ARHGEF2: variants seen among roughly 807,000 people sequenced by gnomAD.
The protein encoded by ARHGEF2 is rho guanine nucleotide exchange factor 2.
Under a neutral mutation model 121.0 loss-of-function variants are expected in ARHGEF2, and 22 were observed. The ratio of observed to expected loss-of-function variants is 0.18; its 90% CI spans 0.13 to 0.26. The LOEUF (loss-of-function observed/expected upper bound fraction) is 0.26. ARHGEF2 is among the 10% of genes least tolerant of loss of function. The pLI is 1.00. For synonymous variants in ARHGEF2, 487 were observed against 530.0 expected (o/e 0.92, Z 1.11); for missense variants, 907 against 1,336.0 (o/e 0.68, Z 5.01).
chr1:155,950,575 C>G lies in ARHGEF2; in HGVS notation c.2704-93G>C, dbSNP rs1434124915. 3.0e-6 allele frequency: 4 copies of G among 1,350,904 alleles called. 1 individual carries two copies. Among genetic ancestry groups the G allele is most frequent in the Admixed American group, 3.6e-5 (2 of 56,090 alleles). 83.7% of individuals were successfully genotyped at this position (1,350,904 alleles called of 1,614,324 possible). On this transcript the variant is annotated intron_variant, in intron 20 of 21. Transcript: ENST00000361247. This position sits in a 1 kb window ranked among gnomAD's most constrained non-coding sequence, Gnocchi z 5.2. ...TGGCTGAAGGCAGCAGCTCTCCCCC[C>G]TGGGGCTCACCCATGAGTCCCCTTC... is the stretch of plus-strand genomic sequence containing the variant.
chr1:155,968,953 C>T (rs1354360629), intron 2 of ARHGEF2: 4 of 609,144 alleles, frequency 6.6e-6, no homozygotes, highest in Non-Finnish European at 1.1e-5. Flanking sequence ...CCAGATAGTC[C>T]GGCTTATGCC....
intron 1 of ARHGEF2, among the ~76,000 whole-genome samples, chr1:155,976,721 C>G (rs1031837327): frequency 3.0e-4 from 46 of 151,346 alleles, no homozygotes; most frequent in Non-Finnish European, 5.6e-4. Flanking sequence ...TCCCCCGCCC[C>G]CCTTGGCTCT....
chr1:155,967,988 C>A (rs1679757717), intron 2 of ARHGEF2, among the ~76,000 whole-genome samples: 1 of 151,728 alleles, frequency 6.6e-6, no homozygotes, highest in African/African-American at 2.4e-5. Context: ...CTTCTCCTAC[C>A]CCCAACACTC....
Position 155,950,373 on chromosome 1 carries a change from T to C in ARHGEF2, c.2813A>G (p.Gln938Arg). 3.7e-6 allele frequency: 6 copies of C among 1,614,050 alleles called. No individual in the cohort carries two copies. The highest frequency in any genetic ancestry group is 5.1e-6 in the Non-Finnish European group (6 of 1,180,036). Reference protein sequence around the residue: ...QELGSPEERLQDSSDPDTGSE... With the variant: ...QELGSPEERLRDSSDPDTGSE... ...GCCAGTGTCAGGGTCACTGCTGTCT[T>C]GCAGCCGCTCTTCGGGGCTCCCCAG... The change falls in exon 21 of 22, where the codon CAA (glutamine) becomes CGA (arginine). Residue 938 changes from glutamine to arginine, a missense_variant. Physicochemically the swap from Gln to Arg is conservative, Grantham distance 43. This residue lies in a region of ARHGEF2 where 432 missense variants were observed against 559.5 expected (regional missense o/e 0.77). Coordinates refer to ENST00000361247, the MANE Select transcript of ARHGEF2 (RefSeq NM_001162383.2). This position sits in a 1 kb window ranked among gnomAD's most constrained non-coding sequence, Gnocchi z 5.2.
intron 15 of ARHGEF2, 110 bp from the exon 16 acceptor site, chr1:155,952,345 A>T (rs760723801): frequency 2.0e-5 from 29 of 1,455,564 alleles, no homozygotes; most frequent in Non-Finnish European, 2.6e-5. Context: ...TGCCCCCTGC[A>T]CTGGCAGTGG....
chr1:155,957,650 G>C (rs1676961652), intron 13 of ARHGEF2, 63 bp downstream of exon 13: 1 of 1,514,958 alleles, frequency 6.6e-7, no homozygotes, highest in South Asian at 1.3e-5. Context: ...TTCTATGGTT[G>C]GGATCTAATG....
Position 155,965,296 on chromosome 1 carries a change from T to C in ARHGEF2, c.580+7A>G. 6.2e-7 allele frequency: 1 copy of C among 1,613,848 alleles called. No individual in the cohort carries two copies. The highest frequency in any genetic ancestry group is 8.5e-7 in the Non-Finnish European group (1 of 1,179,744). ...CTCAGGGCTCCCCTGGGCCCAGGCC[T>C]GCTCACCTTCGTCAATGAGGGATTC... On this transcript the variant is annotated splice_region_variant and intron_variant, in intron 6 of 21. Coordinates refer to ENST00000361247, the MANE Select transcript of ARHGEF2 (RefSeq NM_001162383.2). The surrounding 1 kb of genome is among the most constrained non-coding windows in gnomAD (Gnocchi z 6.0).
upstream of ARHGEF2, chr1:155,978,548 C>T: frequency 2.4e-6 from 3 of 1,269,468 alleles, no homozygotes; most frequent in African/African-American, 3.1e-5. The surrounding 1 kb of genome is among the most constrained non-coding windows in gnomAD (Gnocchi z 4.1). Context: ...AGTCTGACTC[C>T]CCTCGCCCGG....
At chr1:155,964,174 A>ATATATATATATGTG (rs1553244914) in intron 7 of ARHGEF2, among the ~76,000 whole-genome samples, 1 of 78,746 alleles carries the variant, frequency 1.3e-5, no homozygotes, top group Non-Finnish European at 2.2e-5. Context: ...AAAAATATAT[A>ATATATATATATGTG]TATATATATA....
Position 155,950,759 on chromosome 1 carries a change from C to T in ARHGEF2, c.2703+70G>A. 6 of 1,453,070 alleles carry T rather than the reference C, an allele frequency of 4.1e-6. No homozygotes were observed. The highest frequency in any genetic ancestry group is 5.6e-6 in the Non-Finnish European group (6 of 1,077,564). 90.0% of individuals were successfully genotyped at this position (1,453,070 alleles called of 1,614,324 possible). Reference sequence around the variant, plus strand: ...CATTTGGGCTCAAATCCCCAATGGCCCAATTTCTTTCGGGCTCCATGGACC... The same window carrying T: ...CATTTGGGCTCAAATCCCCAATGGCTCAATTTCTTTCGGGCTCCATGGACC... On this transcript the variant is annotated intron_variant, in intron 20 of 21. Transcript: ENST00000361247. The surrounding 1 kb of genome is among the most constrained non-coding windows in gnomAD (Gnocchi z 5.2).
chr1:155,979,091 C>T (rs1681870960), upstream of ARHGEF2: 4 of 985,522 alleles, frequency 4.1e-6, no homozygotes, highest in South Asian at 9.4e-5. Flanking sequence ...GAGAACTAAA[C>T]GCTGGATCTT....
In ARHGEF2 at chr1:155,966,842, T is replaced by G. The variant is rs1464280003; in HGVS notation, c.254A>C (p.Asn85Thr). 1 of 1,613,700 alleles carries G rather than the reference T, an allele frequency of 6.2e-7. No individual in the cohort carries two copies. Among genetic ancestry groups the G allele is most frequent in the Non-Finnish European group, 8.5e-7 (1 of 1,179,880 alleles). The change falls in exon 3 of 22, where the codon AAC (asparagine) becomes ACC (threonine). Residue 85 changes from asparagine (N) to threonine (T), a missense_variant. By Grantham distance (65) the Asn-to-Thr change is moderately conservative. Around this residue, in one of 2 missense-constraint regions of ARHGEF2, gnomAD observed 475 missense variants for 776.5 expected, o/e 0.61. Coordinates refer to ENST00000361247, the MANE Select transcript of ARHGEF2 (RefSeq NM_001162383.2). The stretch of plus-strand genomic sequence containing the variant: ...CACCTTCTGCTTGACCTTGGTACAG[T>G]TGGCGAGGGTGTCTTTACAGCGGTT... The part of the protein sequence containing the change: ...IHNRCKDTLA[N>T]CTKVKQKQQK...
At chr1:155,967,516 G>C (rs1572165273) in intron 2 of ARHGEF2, among the ~76,000 whole-genome samples, 1 of 152,082 alleles carries the variant, frequency 6.6e-6, no homozygotes, top group Non-Finnish European at 1.5e-5. Context: ...TCCTTCCCTC[G>C]CACCACATGC....
chr1:155,959,447 C>T (rs754250978), intron 11 of ARHGEF2, among the ~76,000 whole-genome samples: 4 of 152,094 alleles, frequency 2.6e-5, no homozygotes, highest in African/African-American at 7.2e-5. Context: ...GGGGTTTCAC[C>T]ACGTTGGCCA....
chr1:155,978,661 G>A (rs1207377022), upstream of ARHGEF2: 35 of 1,138,484 alleles, frequency 3.1e-5, no homozygotes, highest in Non-Finnish European at 3.8e-5. This position sits in a 1 kb window ranked among gnomAD's most constrained non-coding sequence, Gnocchi z 4.1. Context: ...CGCAGGACGG[G>A]ACGCCAGGGT....
chr1:155,971,320 G>C (rs902474142), intron 1 of ARHGEF2, among the ~76,000 whole-genome samples: 1 of 152,062 alleles, frequency 6.6e-6, no homozygotes, highest in African/African-American at 2.4e-5. Flanking sequence ...GCTCACACCT[G>C]CAATCCCAGC....
chr1:155,951,832 C>A lies in ARHGEF2; in HGVS notation c.2173-56G>T. The stretch of plus-strand genomic sequence containing the variant: ...CAGGCACACAAATCCTGGGTGCCTG[C>A]CCCTGACAGCTTTGTGTTGAGGATC... On this transcript the variant is annotated intron_variant, in intron 17 of 21. Coordinates refer to ENST00000361247, the MANE Select transcript of ARHGEF2 (RefSeq NM_001162383.2). This position sits in a 1 kb window ranked among gnomAD's most constrained non-coding sequence, Gnocchi z 5.1. 3.1e-6 allele frequency: 5 copies of A among 1,613,106 alleles called. No homozygotes were observed. The South Asian group carries it at 4.4e-5, about 14-fold the overall frequency.
intron 11 of ARHGEF2, among the ~76,000 whole-genome samples, chr1:155,959,143 G>A (rs1677351812): frequency 6.6e-6 from 1 of 152,182 alleles, no homozygotes; most frequent in Non-Finnish European, 1.5e-5. Flanking sequence ...CATAACTCGT[G>A]TATTTTTTTG....
At chr1:155,971,554 T>G (rs1308267580) in intron 1 of ARHGEF2, among the ~76,000 whole-genome samples, 1 of 137,754 alleles carries the variant, frequency 7.3e-6, no homozygotes, top group African/African-American at 2.6e-5. Flanking sequence ...CACTCCAGCC[T>G]GGGCCACAGA....
Sources: gnomAD v4.1 joint callset for allele counts (sites outside exome capture counted in the v4.1 genomes callset) on GRCh38, gnomAD v4.1.1 for gene constraint, gnomAD v4.1.1 regional missense constraint, Gnocchi (gnomAD v3.1) non-coding constraint, MANE v1.5 for transcripts, NCBI Gene and HGNC (gene_info 2026-07-23, HGNC 2026-07-21) for gene names.